ZNF808: variants seen among roughly 807,000 people sequenced by gnomAD.
The protein encoded by ZNF808 is zinc finger protein 808.
A neutral mutation model predicts 8.7 loss-of-function variants in ZNF808; 5 were observed. The ratio of observed to expected loss-of-function variants is 0.58; its 90% CI spans 0.30 to 1.21. The LOEUF (loss-of-function observed/expected upper bound fraction) is 1.21, where lower values mean the gene tolerates loss of function less well. ZNF808 is among the 50% of genes most tolerant of loss of function. ZNF808 has a pLI of 0.07. For missense variants in ZNF808, 1,103 were observed against 1,098.4 expected, an observed-to-expected ratio of 1.00 and a Z score of -0.06; for synonymous variants, 380 against 366.0, an observed-to-expected ratio of 1.04 and a Z score of -0.44.
At chr19:52,565,315 A>C (rs1477725160), downstream of ZNF808, among the ~76,000 whole-genome samples, 1 of 152,298 alleles carries the variant, frequency 6.6e-6, no homozygotes, top group South Asian at 2.1e-4. Flanking sequence ...TCAAAGCATT[A>C]TGTCTGTCAC....
intron 2 of ZNF808, among the ~76,000 whole-genome samples, chr19:52,542,316 T>C (rs1209608187): frequency 1.3e-5 from 2 of 152,118 alleles, no homozygotes; most frequent in Non-Finnish European, 2.9e-5. Context: ...CCCCAGGACC[T>C]CTCTGACCTC....
chr19:52,542,969 T>TGGAG (rs61429336), intron 2 of ZNF808, among the ~76,000 whole-genome samples: 2,204 of 128,502 alleles, frequency 0.017, 42 homozygotes, highest in African/African-American at 0.063. Flanking sequence ...GGGGGGGGGG[T>TGGAG]GGAGGCTTTG....
chr19:52,551,222 T>C (rs1242653561), intron 4 of ZNF808, among the ~76,000 whole-genome samples: 1 of 152,058 alleles, frequency 6.6e-6, no homozygotes. Flanking sequence ...CGTTTTGGTA[T>C]GCACCTGTTA....
chr19:52,545,273 G>T (rs1280158251), intron 3 of ZNF808, among the ~76,000 whole-genome samples: 3 of 152,318 alleles, frequency 2.0e-5, no homozygotes, highest in East Asian at 3.9e-4. Context: ...AGATTACAGT[G>T]ATTCTGTTGC....
rs573934660 is a variant in ZNF808, at chr19:52,553,739, G to A, written c.823G>A (p.Ala275Thr). The A allele has an allele frequency of 8.2e-5, 133 of 1,614,132 alleles. No homozygotes were observed. In the African/African-American group the frequency reaches 9.9e-4, roughly 12 times the overall value. ...GKLFNHKQYL[A>T]CHRRCHTGEK... is the part of the protein sequence containing the mutation. Reference sequence around the variant, plus strand: ...GCTCTTTAATCACAAGCAATACCTTGCATGCCATCGTAGATGTCACACTGG... The same window carrying A: ...GCTCTTTAATCACAAGCAATACCTTACATGCCATCGTAGATGTCACACTGG... Residue 275 changes from alanine (A) to threonine (T), a missense_variant, in exon 5 of 5, where the codon GCA (alanine) becomes ACA (threonine). Physicochemically the swap from Ala to Thr is moderately conservative, Grantham distance 58 (BLOSUM62 0). Coordinates refer to ENST00000359798, the MANE Select transcript of ZNF808 (RefSeq NM_001039886.4).
Position 52,554,475 on chromosome 19 carries a change from T to TC in ZNF808, c.1561dup (p.Arg521ProfsTer11), listed in dbSNP as rs2059813315. ...AAGTGTAATCAGTGTGGCAATACCT[T>TC]CCGTCACCGGGCATCCCTTGTATAC... On this transcript the variant is annotated frameshift_variant, in exon 5 of 5. Transcript: ENST00000359798. LOFTEE classifies it low-confidence loss of function (END_TRUNC). 6.2e-7 allele frequency: 1 copy of TC among 1,614,138 alleles called. No individual in the cohort carries two copies.
rs1380775153 is a variant in ZNF808, at chr19:52,555,603, T to C, written c.2687T>C (p.Ile896Thr). The C allele has an allele frequency of 1.9e-6, 3 of 1,605,864 alleles. No individual in the cohort carries two copies. The change falls in exon 5 of 5, where the codon ATT becomes ACT. Residue 896 changes from isoleucine to threonine, a missense_variant. Transcript: ENST00000359798. ...TCAACACTTATTCACCATCAGGCAA[T>C]TCATGGTATAGGGAAATTTGATTAA... ...DRSTLIHHQA[I>T]HGIGKFD
chr19:52,551,665 C>T (rs1355315485), intron 4 of ZNF808, among the ~76,000 whole-genome samples: 1 of 151,942 alleles, frequency 6.6e-6, no homozygotes, highest in African/African-American at 2.4e-5. Context: ...TATGGCTTTT[C>T]GGTATGTGGT....
At chr19:52,547,246 C>A (rs559314389) in intron 3 of ZNF808, among the ~76,000 whole-genome samples, 2 of 152,158 alleles carry the variant, frequency 1.3e-5, no homozygotes, top group African/African-American at 4.8e-5. Flanking sequence ...CCTCACCCGG[C>A]CCTGTGTTTC....
rs762109853 is a variant in ZNF808 at position 52,554,990 on chromosome 19, T to C, written c.2074T>C (p.Ser692Pro). The change falls in exon 5 of 5, where the codon TCC becomes CCC. Residue 692 changes from serine (S) to proline (P), a missense_variant. Transcript: ENST00000359798. The stretch of plus-strand genomic sequence containing the variant: ...TTGTGACAAGGCTTTCGTGTGTCGT[T>C]CCTATGTGGCAAAACATACTAGAAT... ...KVCDKAFVCR[S>P]YVAKHTRIHS... 2.1e-5 allele frequency: 34 copies of C among 1,614,090 alleles called. No homozygotes were observed. Among genetic ancestry groups the C allele is most frequent in the Non-Finnish European group, 2.9e-5 (34 of 1,180,006 alleles).
At chr19:52,547,743 T>G (rs1415787953) in intron 4 of ZNF808, 105 bp downstream of exon 4, 3,073 of 1,336,646 alleles carry the variant, frequency 2.3e-3, no homozygotes, top group Admixed American at 7.1e-3. Context: ...ATGCTGGTTT[T>G]TTTTTTTTTT....
chr19:52,531,656 A>C lies in ZNF808; in HGVS notation c.-121-1252A>C, dbSNP rs191186653. 5.5e-3 allele frequency among the ~76,000 whole-genome samples: 842 copies of C among 152,276 alleles called. 7 individuals are homozygous for C. The highest frequency in any genetic ancestry group is 0.019 in the South Asian group (93 of 4,828). ...TAAACATTCAGACCAGGAAGTCTGC[A>C]TCATATTTTTGATGTTTTTATTGTG... On this transcript the variant is annotated intron_variant, in intron 1 of 4. Coordinates refer to ENST00000359798, the MANE Select transcript of ZNF808 (RefSeq NM_001039886.4).
chr19:52,558,283 C>G (rs1484142112), downstream of ZNF808, among the ~76,000 whole-genome samples: 1 of 151,202 alleles, frequency 6.6e-6, no homozygotes, highest in Non-Finnish European at 1.5e-5. Context: ...ACCCTGGTCT[C>G]GATCTCCTGA....
chr19:52,561,216 A>C (rs201958573), downstream of ZNF808, among the ~76,000 whole-genome samples: 687 of 39,024 alleles, frequency 0.018, 1 homozygote, highest in Non-Finnish European at 0.027. Context: ...CTCTCTCTAT[A>C]TATATATATA....
At chr19:52,534,976 A>G (rs1193144849) in intron 2 of ZNF808, among the ~76,000 whole-genome samples, 1 of 152,130 alleles carries the variant, frequency 6.6e-6, no homozygotes, top group Non-Finnish European at 1.5e-5. Context: ...GGATATTTAC[A>G]TGGAAAAGAA....
downstream of ZNF808, among the ~76,000 whole-genome samples, chr19:52,566,693 A>C (rs1216352873): frequency 6.6e-6 from 1 of 152,142 alleles, no homozygotes; most frequent in East Asian, 1.9e-4. Context: ...TAAGTGGATA[A>C]ACTGTTAAAC....
chr19:52,535,346 AAAAAAAAAAGAG>A (rs1568478766), intron 2 of ZNF808, among the ~76,000 whole-genome samples: 3 of 151,258 alleles, frequency 2.0e-5, no homozygotes, highest in South Asian at 2.1e-4. Flanking sequence ...AAAAAAAAAA[AAAAAAAAAAGAG>A]AGAAAAGGAA....
Position 52,555,638 on chromosome 19 carries a change from T to C in ZNF808, c.*10T>C, listed in dbSNP as rs774286780. 5.7e-6 allele frequency: 9 copies of C among 1,587,682 alleles called. No individual in the cohort carries two copies. The highest frequency in any genetic ancestry group is 1.7e-4 in the Middle Eastern group (1 of 5,908). On this transcript the variant is annotated 3_prime_UTR_variant, in exon 5 of 5. Coordinates refer to ENST00000359798, the MANE Select transcript of ZNF808 (RefSeq NM_001039886.4). ...AGGGAAATTTGATTAATATAATGAT[T>C]GTCACAAAGTCTTCAGTAACACTAC...
chr19:52,552,935 T>G (rs1185717294), intron 4 of ZNF808, among the ~76,000 whole-genome samples, 172 bp from the exon 5 acceptor site: 1 of 152,176 alleles, frequency 6.6e-6, no homozygotes, highest in Non-Finnish European at 1.5e-5. Flanking sequence ...TTGAAGGACA[T>G]GTAATTGCCC....
Sources: allele counts gnomAD v4.1 joint callset (sites outside exome capture counted in the v4.1 genomes callset), GRCh38; gene constraint gnomAD v4.1.1; transcripts MANE v1.5; gene names NCBI Gene and HGNC (gene_info 2026-07-23, HGNC 2026-07-21).